Variants in MCU observed in about 807,000 individuals in gnomAD.
The protein encoded by MCU is calcium uniporter protein, mitochondrial.
Under a neutral mutation model 45.2 loss-of-function variants are expected in MCU, and 12 were observed. That is an observed-to-expected ratio of 0.27 (90% CI 0.17 to 0.43). MCU has a LOEUF of 0.43. Among genes scored for constraint, MCU ranks in the 20% least tolerant of loss-of-function variants. MCU has a pLI of 1.00. For synonymous variants in MCU, 160 were observed against 165.1 expected, an observed-to-expected ratio of 0.97 and a Z score of 0.24; for missense variants, 324 against 436.7, an observed-to-expected ratio of 0.74 and a Z score of 2.30.
intron 1 of MCU, among the ~76,000 whole-genome samples, chr10:72,741,047 A>G (rs549106507): frequency 2.6e-5 from 4 of 152,080 alleles, no homozygotes; most frequent in African/African-American, 4.8e-5. Flanking sequence ...CTCAGATACA[A>G]TAGTTAATGA....
chr10:72,779,753 G>T (rs1321761339), intron 1 of MCU, among the ~76,000 whole-genome samples: 1 of 152,120 alleles, frequency 6.6e-6, no homozygotes, highest in Non-Finnish European at 1.5e-5. Flanking sequence ...ACACTGCATG[G>T]CTATAATAAT....
intron 5 of MCU, among the ~76,000 whole-genome samples, chr10:72,870,696 C>G (rs570598834): frequency 6.6e-6 from 1 of 152,186 alleles, no homozygotes; most frequent in Non-Finnish European, 1.5e-5. Context: ...TATTCTGCCC[C>G]TAGTATACCA....
chr10:72,873,876 G>T (rs888786217), intron 6 of MCU, among the ~76,000 whole-genome samples: 1 of 152,164 alleles, frequency 6.6e-6, no homozygotes, highest in African/African-American at 2.4e-5. Context: ...CCCATTGTGG[G>T]TTCGTGGTGC....
At chr10:72,825,910 T>G (rs58823100) in intron 1 of MCU, among the ~76,000 whole-genome samples, 6,318 of 152,298 alleles carry the variant, frequency 0.041, 436 homozygotes, top group African/African-American at 0.14. Flanking sequence ...CAACTAGAGA[T>G]GAGACTAGAA....
intron 1 of MCU, among the ~76,000 whole-genome samples, chr10:72,824,952 C>T (rs755813267): frequency 2.6e-5 from 4 of 152,086 alleles, no homozygotes; most frequent in Admixed American, 1.3e-4. Context: ...ATTTCTTTCC[C>T]CCTTTTTATT....
At chr10:72,808,051 G>A (rs140347997) in intron 1 of MCU, among the ~76,000 whole-genome samples, 3 of 152,148 alleles carry the variant, frequency 2.0e-5, no homozygotes, top group Admixed American at 6.5e-5. Context: ...ATTTCTTTAC[G>A]GAACACTTTT....
intron 1 of MCU, among the ~76,000 whole-genome samples, chr10:72,772,051 T>C (rs140854632): frequency 6.6e-6 from 1 of 152,214 alleles, no homozygotes; most frequent in African/African-American, 2.4e-5. Flanking sequence ...GGGAGACTTG[T>C]CCTTGCCTTA....
chr10:72,750,898 C>T (rs1843484577), intron 1 of MCU, among the ~76,000 whole-genome samples: 2 of 152,116 alleles, frequency 1.3e-5, no homozygotes, highest in African/African-American at 4.8e-5. Flanking sequence ...ATTTATGTTG[C>T]TTATTTAGCT....
chr10:72,705,713 G>T (rs1422977184), intron 1 of MCU, among the ~76,000 whole-genome samples: 1 of 152,200 alleles, frequency 6.6e-6, no homozygotes, highest in Admixed American at 6.6e-5. Flanking sequence ...AGCTACTTGG[G>T]GGGCTGAGGC....
chr10:72,728,461 T>G (rs939630146), intron 1 of MCU, among the ~76,000 whole-genome samples: 4 of 152,142 alleles, frequency 2.6e-5, no homozygotes, highest in African/African-American at 9.7e-5. Flanking sequence ...TCAGAGAAGA[T>G]TTCTCTAAGT....
At chr10:72,882,471 C>T (rs977698012) in intron 6 of MCU, among the ~76,000 whole-genome samples, 7 of 152,134 alleles carry the variant, frequency 4.6e-5, no homozygotes, top group Non-Finnish European at 7.4e-5. Flanking sequence ...AGAGAATGCA[C>T]CCCTGAGGTT....
chr10:72,734,971 AG>A (rs1843232635), intron 1 of MCU, among the ~76,000 whole-genome samples: 2 of 151,492 alleles, frequency 1.3e-5, no homozygotes, highest in African/African-American at 4.9e-5. Flanking sequence ...CCCAGCTACT[AG>A]GGAGGCTGAG....
intron 2 of MCU, among the ~76,000 whole-genome samples, chr10:72,837,910 G>A (rs969691495): frequency 1.3e-5 from 2 of 148,618 alleles, no homozygotes; most frequent in African/African-American, 2.5e-5. Context: ...AGGCTGGAGT[G>A]CAGTGGCGCA....
intron 1 of MCU, among the ~76,000 whole-genome samples, chr10:72,736,836 C>T (rs993502791): frequency 6.6e-6 from 1 of 152,136 alleles, no homozygotes; most frequent in South Asian, 2.1e-4. Flanking sequence ...AAATGGTGGA[C>T]AATCTTGGAC....
At chr10:72,767,405 T>C (rs1168486382) in intron 1 of MCU, among the ~76,000 whole-genome samples, 1 of 152,196 alleles carries the variant, frequency 6.6e-6, no homozygotes, top group Admixed American at 6.6e-5. Flanking sequence ...TCGGAAGTCT[T>C]GTGAGGAGAA....
intron 1 of MCU, among the ~76,000 whole-genome samples, chr10:72,782,625 C>T (rs1275290497): frequency 2.6e-5 from 4 of 152,332 alleles, no homozygotes; most frequent in Admixed American, 6.5e-5. Context: ...GCCTTGGCCT[C>T]CCAAAGTGTT....
At chr10:72,772,391 T>TA (rs1202126490) in intron 1 of MCU, among the ~76,000 whole-genome samples, 2 of 152,158 alleles carry the variant, frequency 1.3e-5, no homozygotes, top group Non-Finnish European at 2.9e-5. Context: ...ACTAAGCAGA[T>TA]ACATCTAATA....
At chr10:72,873,561 C>G (rs1305038138) in intron 6 of MCU, among the ~76,000 whole-genome samples, 1 of 152,088 alleles carries the variant, frequency 6.6e-6, no homozygotes, top group Non-Finnish European at 1.5e-5. Context: ...TAGGTTGTCT[C>G]CTCACTCTGC....
chr10:72,830,129 C>G (rs1355784856), intron 1 of MCU, among the ~76,000 whole-genome samples: 1 of 152,144 alleles, frequency 6.6e-6, no homozygotes, highest in Non-Finnish European at 1.5e-5. Flanking sequence ...TCAACTCTTG[C>G]AGCTATATAC....
Sources: allele counts gnomAD v4.1 joint callset (sites outside exome capture counted in the v4.1 genomes callset), GRCh38; gene constraint gnomAD v4.1.1; transcripts MANE v1.5; gene names NCBI Gene and HGNC (gene_info 2026-07-23, HGNC 2026-07-21).